The following IRAK2 variants were observed in gnomAD, a reference collection of about 807,000 sequenced individuals.
IRAK2 encodes interleukin-1 receptor-associated kinase-like 2.
In IRAK2, 57 loss-of-function variants were observed where a neutral mutation model predicts 72.0. The observed-to-expected ratio is 0.79, with a 90% confidence interval of 0.64 to 0.99. IRAK2 has a LOEUF of 0.99. Among genes scored for constraint, IRAK2 ranks in the 50% least tolerant of loss-of-function variants. IRAK2 has a pLI of 0.00. For missense variants in IRAK2, 790 were observed against 794.4 expected, an observed-to-expected ratio of 0.99 and a Z score of 0.07; for synonymous variants, 293 against 312.7, an observed-to-expected ratio of 0.94 and a Z score of 0.67.
At chr3:10,233,132 C>T (rs898953024) in intron 10 of IRAK2, among the ~76,000 whole-genome samples, 6 of 152,092 alleles carry the variant, frequency 3.9e-5, no homozygotes, top group Non-Finnish European at 7.4e-5. Flanking sequence ...TCACTGAAGC[C>T]TCTCCCTCCC....
intron 10 of IRAK2, among the ~76,000 whole-genome samples, chr3:10,232,516 C>A (rs148888992): frequency 3.5e-4 from 53 of 152,234 alleles, no homozygotes; most frequent in Admixed American, 1.6e-3. Context: ...GTGGAGCTGC[C>A]GACTCCTCCA....
At chr3:10,236,351 T>TTTG (rs1697960489) in intron 11 of IRAK2, among the ~76,000 whole-genome samples, 1 of 146,452 alleles carries the variant, frequency 6.8e-6, no homozygotes, top group East Asian at 2.0e-4. Flanking sequence ...GGTTTTTTTT[T>TTTG]TTTTTTTTTT....
chr3:10,202,355 A>G (rs2543465), intron 3 of IRAK2, among the ~76,000 whole-genome samples: 152,332 of 152,332 alleles, frequency 1, 76,166 homozygotes, highest in Non-Finnish European at 1. Flanking sequence ...CGGGCGTGGT[A>G]GCTCATGCCT....
chr3:10,210,979 C>T (rs1697509421), intron 4 of IRAK2, among the ~76,000 whole-genome samples: 1 of 152,150 alleles, frequency 6.6e-6, no homozygotes, highest in African/African-American at 2.4e-5. Context: ...CTGCCTCAGC[C>T]TCCTGAGTAG....
rs1366890599 is a variant in IRAK2, at chr3:10,238,777, G to A, written c.1503G>A (p.Glu501=). 2.5e-6 allele frequency: 4 copies of A among 1,614,058 alleles called. No individual in the cohort carries two copies. The change falls in exon 12 of 13, where the codon GAG becomes GAA. Residue 501 remains glutamate (E), a synonymous_variant. Coordinates refer to ENST00000256458, the MANE Select transcript of IRAK2 (RefSeq NM_001570.4). ...GTGGCTCTGTGGCTGCTGTGGAAGA[G>A]CGGCTCCGAGGTCGGGAGACGTTGC... ...EVCGSVAAVE[E]RLRGRETLLP...
At chr3:10,173,098 T>C (rs1446490969) in intron 1 of IRAK2, among the ~76,000 whole-genome samples, 2 of 152,146 alleles carry the variant, frequency 1.3e-5, no homozygotes, top group Admixed American at 1.3e-4. Context: ...ATAGAACTCA[T>C]CTAATCCTTG....
intron 2 of IRAK2, among the ~76,000 whole-genome samples, chr3:10,179,778 C>T (rs1696934383): frequency 6.6e-6 from 1 of 151,998 alleles, no homozygotes; most frequent in Admixed American, 6.6e-5. Flanking sequence ...CTATGTTGAC[C>T]AGGCTGATCT....
At chr3:10,176,021 A>C (rs1004101532) in intron 1 of IRAK2, among the ~76,000 whole-genome samples, 7 of 140,474 alleles carry the variant, frequency 5.0e-5, no homozygotes, top group Non-Finnish European at 1.1e-4. Flanking sequence ...TGGCCTTAGG[A>C]GGGTGGTGAG....
At chr3:10,184,989 C>T (rs1697030646) in intron 2 of IRAK2, among the ~76,000 whole-genome samples, 1 of 150,678 alleles carries the variant, frequency 6.6e-6, no homozygotes, top group South Asian at 2.1e-4. Flanking sequence ...CCTTGGCCTC[C>T]CAAAGTGCTG....
intron 2 of IRAK2, among the ~76,000 whole-genome samples, chr3:10,197,334 G>A (rs542704375): frequency 6.6e-6 from 1 of 150,468 alleles, no homozygotes; most frequent in South Asian, 2.1e-4. Flanking sequence ...GCAGTGAGCC[G>A]AGATTCCTCC....
Position 10,164,997 on chromosome 3 carries a change from G to A in IRAK2, c.43G>A (p.Asp15Asn), listed in dbSNP as rs779997859. ...CCAGCTGCCCTCCTGGGTGCTGGAC[G>A]ACCTGTGCCGCAACATGGACGCGCT... The part of the protein sequence containing the change: ...IYQLPSWVLD[D>N]LCRNMDALSE... Residue 15 changes from aspartate (D) to asparagine (N), a missense_variant, in exon 1 of 13, where the codon GAC becomes AAC. Transcript: ENST00000256458. The A allele has an allele frequency of 1.6e-5, 25 of 1,611,810 alleles. No homozygotes were observed. In the South Asian group the frequency reaches 2.2e-4, roughly 14 times the overall value.
chr3:10,225,843 C>A (rs1485464515), intron 9 of IRAK2, among the ~76,000 whole-genome samples: 2 of 151,996 alleles, frequency 1.3e-5, no homozygotes, highest in Non-Finnish European at 1.5e-5. Context: ...GGACTACAGG[C>A]ACCCGCCACC....
intron 2 of IRAK2, among the ~76,000 whole-genome samples, chr3:10,184,132 G>A (rs1212028125): frequency 6.6e-6 from 1 of 152,054 alleles, no homozygotes; most frequent in East Asian, 1.9e-4. Context: ...GAAAAAGGTG[G>A]GTACACTCCA....
chr3:10,186,391 C>G (rs755809688), intron 2 of IRAK2, among the ~76,000 whole-genome samples: 7 of 151,740 alleles, frequency 4.6e-5, no homozygotes, highest in Non-Finnish European at 1.0e-4. Context: ...GTGGTAATCA[C>G]AGCCGAAGAT....
intron 10 of IRAK2, among the ~76,000 whole-genome samples, chr3:10,230,106 A>G (rs1185080484): frequency 6.6e-6 from 1 of 152,188 alleles, no homozygotes; most frequent in Non-Finnish European, 1.5e-5. Context: ...TCAAAAAAAT[A>G]AAAAAGTAAA....
intron 2 of IRAK2, among the ~76,000 whole-genome samples, chr3:10,180,463 T>A (rs1173896288): frequency 1.3e-5 from 2 of 151,974 alleles, no homozygotes; most frequent in African/African-American, 4.8e-5. Context: ...AGTGTGAGGA[T>A]GTGAACCTAG....
At chr3:10,170,111 C>T (rs554739692) in intron 1 of IRAK2, among the ~76,000 whole-genome samples, 6 of 152,280 alleles carry the variant, frequency 3.9e-5, no homozygotes, top group African/African-American at 1.2e-4. Context: ...AGGGAGGAGT[C>T]GGTCTCCTGG....
At chr3:10,228,777 T>C (rs1366755540) in intron 10 of IRAK2, among the ~76,000 whole-genome samples, 2 of 152,198 alleles carry the variant, frequency 1.3e-5, no homozygotes, top group Non-Finnish European at 2.9e-5. Flanking sequence ...CCTCCAGGCT[T>C]GGGAAAGTGT....
At chr3:10,234,418 C>T (rs778732089) in intron 10 of IRAK2, 41 bp from the exon 11 acceptor site, 1 of 1,576,528 alleles carries the variant, frequency 6.3e-7, no homozygotes, top group Non-Finnish European at 8.7e-7. Flanking sequence ...TCTCGCAGCT[C>T]TGCAGCTCAC....
Sources: allele counts gnomAD v4.1 joint callset (sites outside exome capture counted in the v4.1 genomes callset), GRCh38; gene constraint gnomAD v4.1.1; transcripts MANE v1.5; gene names NCBI Gene and HGNC (gene_info 2026-07-23, HGNC 2026-07-21).